TEX22: variants seen among roughly 807,000 people sequenced by gnomAD.
The protein encoded by TEX22 is testis-expressed protein 22.
A neutral mutation model predicts 11.3 loss-of-function variants in TEX22; 16 were observed. The ratio of observed to expected loss-of-function variants is 1.42; its 90% CI spans 0.96 to 2.15. The LOEUF is 2.15. TEX22 is among the 30% of genes most tolerant of loss of function. TEX22 has a pLI of 0.00. For missense variants in TEX22, 220 were observed against 208.6 expected (o/e 1.05, Z -0.34); for synonymous variants, 97 against 92.3 (o/e 1.05, Z -0.29).
rs1238339822 is a variant in TEX22, at chr14:105,402,547, G to A, written c.150+3057G>A. Among the ~76,000 whole-genome samples the A allele has an allele frequency of 8.6e-4, 130 of 152,038 alleles. 2 individuals carry two copies. The highest frequency in any genetic ancestry group is 1.7e-3 in the South Asian group (8 of 4,824). ...GGGCGGGCAGATCACAAGGTCTGGA[G>A]ATCAAGACCATCCTGGCTAACACGG... On this transcript the variant is annotated intron_variant, in intron 2 of 3. Transcript: ENST00000451127.
At chr14:105,410,767 G>A (rs2081685349) in intron 2 of TEX22, among the ~76,000 whole-genome samples, 1 of 152,126 alleles carries the variant, frequency 6.6e-6, no homozygotes, top group South Asian at 2.1e-4. Context: ...AGCCCACGTG[G>A]GAAGTTCCTT....
rs1407275822 is a variant in TEX22 at position 105,399,319 on chromosome 14, A to G, written c.-22A>G. On this transcript the variant is annotated 5_prime_UTR_variant, in exon 2 of 4. Coordinates refer to ENST00000451127, the MANE Select transcript of TEX22 (RefSeq NM_001195082.2). ...ACCCCCAGATCTCAGAGGTGTGGAC[A>G]AGCAGCCTACTAGGGCTAGAGATGG... is the stretch of plus-strand genomic sequence containing the variant. 6 of 1,476,014 alleles carry G rather than the reference A, an allele frequency of 4.1e-6. No individual in the cohort carries two copies. The African/African-American group carries it at 4.2e-5, about 10-fold the overall frequency. 91.4% of individuals were successfully genotyped at this position (1,476,014 alleles called of 1,614,324 possible). A position where few individuals can be genotyped will look rare whatever the true frequency, so the allele number is the denominator to read the frequency against.
chr14:105,410,929 G>A (rs926849657), intron 2 of TEX22, among the ~76,000 whole-genome samples: 2 of 152,180 alleles, frequency 1.3e-5, no homozygotes, highest in Non-Finnish European at 2.9e-5. Context: ...TTTGTCTATG[G>A]ATTCATGATC....
rs1404647346 is a variant in TEX22 at position 105,412,349 on chromosome 14, C to G, written c.*516C>G. The G allele has an allele frequency of 6.5e-6, 1 of 153,220 alleles. No individual in the cohort carries two copies. Among genetic ancestry groups the G allele is most frequent in the Non-Finnish European group, 1.5e-5 (1 of 68,724 alleles). The allele number at this position is 153,220 out of a possible 1,614,324, so 9.5% of individuals were successfully genotyped here. On this transcript the variant is annotated 3_prime_UTR_variant, in exon 4 of 4. Coordinates refer to ENST00000451127, the MANE Select transcript of TEX22 (RefSeq NM_001195082.2). This position sits in a 1 kb window ranked among gnomAD's most constrained non-coding sequence, Gnocchi z 5.8. ...AAGGGCACACGGGACCCCAGGGGTG[C>G]TGTGGTGGGGAGCAGCAAGCCCAGG...
chr14:105,403,663 C>T (rs1257967379), intron 2 of TEX22, among the ~76,000 whole-genome samples: 3 of 152,202 alleles, frequency 2.0e-5, no homozygotes, highest in African/African-American at 7.2e-5. Flanking sequence ...CTCATGTGAT[C>T]CTCCAGCTTT....
At chr14:105,404,031 G>A (rs1266031609) in intron 2 of TEX22, among the ~76,000 whole-genome samples, 2 of 152,222 alleles carry the variant, frequency 1.3e-5, no homozygotes, top group African/African-American at 4.8e-5. Flanking sequence ...AAAACAGTAA[G>A]TATTTTTATC....
At position 105,411,478 on chromosome 14, in the gene TEX22, G is replaced by A; in HGVS notation, c.261G>A (p.Gly87=). 1 of 1,235,554 alleles carries A rather than the reference G, an allele frequency of 8.1e-7. No homozygotes were observed. 76.5% of individuals were successfully genotyped at this position (1,235,554 alleles called of 1,614,324 possible). A position where few individuals can be genotyped will look rare whatever the true frequency, so the allele number is the denominator to read the frequency against. ...GCCGGGAGAGGCCGGGCGCCGCCGGGACCCAGCTGCACTGCAGGGTGCGCG... is the reference window on the plus strand; with the variant it reads ...GCCGGGAGAGGCCGGGCGCCGCCGGAACCCAGCTGCACTGCAGGGTGCGCG... The part of the protein sequence containing the change: ...LGGRERPGAA[G]TQLHCRDVVQ... Residue 87 remains glycine, a synonymous_variant, in exon 3 of 4, where the codon GGG becomes GGA. Coordinates refer to ENST00000451127, the MANE Select transcript of TEX22 (RefSeq NM_001195082.2).
At chr14:105,409,958 T>C (rs1397142708) in intron 2 of TEX22, among the ~76,000 whole-genome samples, 1 of 151,984 alleles carries the variant, frequency 6.6e-6, no homozygotes, top group Non-Finnish European at 1.5e-5. Context: ...AATTTTTCTT[T>C]TGTAGAGATG....
At chr14:105,411,521 G>GGGGCCCCCCCC in intron 3 of TEX22, 25 bp downstream of exon 3, 2 of 458,514 alleles carry the variant, frequency 4.4e-6, no homozygotes, top group East Asian at 8.8e-5. Flanking sequence ...GGTCCTCCCC[G>GGGGCCCCCCCC]CCCCGTCCCC....
Position 105,408,714 on chromosome 14 carries a change from G to A in TEX22, c.151-2654G>A, listed in dbSNP as rs1263557115. ...GCTGGGATTACAGGCGTGAGCCACC[G>A]TGCCCGGCCGCACTGCCTCCTTTTC... On this transcript the variant is annotated intron_variant, in intron 2 of 3. Coordinates refer to ENST00000451127, the MANE Select transcript of TEX22 (RefSeq NM_001195082.2). Among the ~76,000 whole-genome samples, 5 of 152,090 alleles carry A rather than the reference G, an allele frequency of 3.3e-5. No homozygotes were observed. The East Asian group carries it at 5.8e-4, about 18-fold the overall frequency.
intron 2 of TEX22, among the ~76,000 whole-genome samples, chr14:105,406,897 G>A (rs1555418911): frequency 2.6e-5 from 4 of 151,930 alleles, no homozygotes; most frequent in Non-Finnish European, 4.4e-5. Flanking sequence ...TTCTTTTGCT[G>A]TTCTTTTTGT....
rs1429960503 is a variant in TEX22, at chr14:105,402,591, A to T, written c.150+3101A>T. On this transcript the variant is annotated intron_variant, in intron 2 of 3. Coordinates refer to ENST00000451127, the MANE Select transcript of TEX22 (RefSeq NM_001195082.2). Reference sequence around the variant, plus strand: ...AACACGGTGAAACCCCGTCTCTACTAAAAAATACAAAAAAATTAGCCGGGC... The same window carrying T: ...AACACGGTGAAACCCCGTCTCTACTTAAAAATACAAAAAAATTAGCCGGGC... Among the ~76,000 whole-genome samples the T allele has an allele frequency of 4.7e-5, 7 of 148,694 alleles. No individual in the cohort carries two copies. The East Asian group carries it at 1.4e-3, about 30-fold the overall frequency.
chr14:105,409,828 G>C (rs2081679614), intron 2 of TEX22, among the ~76,000 whole-genome samples: 1 of 145,182 alleles, frequency 6.9e-6, no homozygotes, highest in Admixed American at 6.8e-5. Context: ...CCAGGCTGGA[G>C]TGCAGTGGCA....
At chr14:105,403,145 T>G (rs2081641538) in intron 2 of TEX22, among the ~76,000 whole-genome samples, 1 of 152,102 alleles carries the variant, frequency 6.6e-6, no homozygotes, top group Non-Finnish European at 1.5e-5. Flanking sequence ...TATATCGAGG[T>G]CTTATCTATG....
rs2081690550 is a variant in TEX22 at position 105,411,479 on chromosome 14, A to C, written c.262A>C (p.Thr88Pro). Residue 88 changes from threonine to proline, a missense_variant, in exon 3 of 4, where the codon ACC (threonine) becomes CCC (proline). By Grantham distance (38) the Thr-to-Pro change is conservative. Coordinates refer to ENST00000451127, the MANE Select transcript of TEX22 (RefSeq NM_001195082.2). ...GGRERPGAAG[T>P]QLHCRDVVQM... ...CCGGGAGAGGCCGGGCGCCGCCGGG[A>C]CCCAGCTGCACTGCAGGGTGCGCGG... 5.7e-6 allele frequency: 7 copies of C among 1,231,864 alleles called. No individual in the cohort carries two copies. The highest frequency in any genetic ancestry group is 3.3e-5 in the East Asian group (1 of 30,550). The allele number at this position is 1,231,864 out of a possible 1,614,324, so 76.3% of individuals were successfully genotyped here. A position where few individuals can be genotyped will look rare whatever the true frequency, so the allele number is the denominator to read the frequency against.
chr14:105,399,714 G>A (rs1165191736), intron 2 of TEX22, among the ~76,000 whole-genome samples: 5 of 130,680 alleles, frequency 3.8e-5, no homozygotes, highest in East Asian at 2.0e-4. Flanking sequence ...ACCGTGGGCC[G>A]CTGGGCTCTG....
At chr14:105,410,117 G>A (rs2081681217) in intron 2 of TEX22, among the ~76,000 whole-genome samples, 1 of 152,020 alleles carries the variant, frequency 6.6e-6, no homozygotes, top group South Asian at 2.1e-4. Flanking sequence ...TGCTCTTGTT[G>A]CCCAGGCTGA....
intron 2 of TEX22, among the ~76,000 whole-genome samples, chr14:105,403,775 A>G (rs976743203): frequency 1.3e-5 from 2 of 152,198 alleles, no homozygotes; most frequent in Admixed American, 6.5e-5. Flanking sequence ...AGTGTTTTTT[A>G]AAAAAACAGA....
At chr14:105,407,928 C>T (rs1234211221) in intron 2 of TEX22, among the ~76,000 whole-genome samples, 3 of 151,424 alleles carry the variant, frequency 2.0e-5, no homozygotes, top group Non-Finnish European at 4.4e-5. Context: ...GCATGGGGGT[C>T]TGTCTGTGTT....
Sources: allele counts gnomAD v4.1 joint callset (sites outside exome capture counted in the v4.1 genomes callset), GRCh38; gene constraint gnomAD v4.1.1; non-coding constraint Gnocchi (gnomAD v3.1); transcripts MANE v1.5; gene names NCBI Gene and HGNC (gene_info 2026-07-23, HGNC 2026-07-21).